EIF3A: variants seen among roughly 807,000 people sequenced by gnomAD.
The protein encoded by EIF3A is EIF3, p180 subunit.
A neutral mutation model predicts 186.6 loss-of-function variants in EIF3A; 21 were observed. The observed-to-expected ratio is 0.11, with a 90% CI of 0.08 to 0.16. The LOEUF is 0.16. EIF3A is among the 10% of genes least tolerant of loss of function. The probability of loss-of-function intolerance (pLI) is 1.00; values close to 1 mark genes in which losing one functional copy is unlikely to be tolerated. For synonymous variants in EIF3A, 563 were observed against 584.3 expected, an observed-to-expected ratio of 0.96 and a Z score of 0.52; for missense variants, 1,306 against 1,796.3, an observed-to-expected ratio of 0.73 and a Z score of 4.93.
chr10:119,046,020 A>T (rs1435642890), intron 17 of EIF3A, among the ~76,000 whole-genome samples: 2 of 152,218 alleles, frequency 1.3e-5, no homozygotes, highest in Admixed American at 6.5e-5. Context: ...ACAGAGAAAA[A>T]GGAGAAAAGT....
At chr10:119,068,758 G>C (rs1291394108) in intron 6 of EIF3A, among the ~76,000 whole-genome samples, 1 of 152,018 alleles carries the variant, frequency 6.6e-6, no homozygotes, top group East Asian at 1.9e-4. Flanking sequence ...GGTGGATCAT[G>C]AGGTGAGGAG....
At chr10:119,067,029 A>T (rs1472119741) in intron 6 of EIF3A, among the ~76,000 whole-genome samples, 1 of 151,952 alleles carries the variant, frequency 6.6e-6, no homozygotes, top group Non-Finnish European at 1.5e-5. Context: ...CCTGGCTAAC[A>T]TGGTGAAACC....
chr10:119,047,795 A>G (rs769703008), intron 17 of EIF3A, among the ~76,000 whole-genome samples: 19 of 152,238 alleles, frequency 1.2e-4, no homozygotes, highest in Non-Finnish European at 1.9e-4. Context: ...ATTAGCAGTA[A>G]GAATAACACA....
chr10:119,035,335 A>G lies in EIF3A; in HGVS notation c.*704T>C, dbSNP rs1179177889. On this transcript the variant is annotated 3_prime_UTR_variant, in exon 22 of 22. Transcript: ENST00000369144. ...AATGGAAAAGCAGTTTGCTATTGGC[A>G]ACAGAAAAAAACTCAGCGATAATTT... 6.6e-6 allele frequency: 1 copy of G among 152,598 alleles called. No homozygotes were observed. The highest frequency in any genetic ancestry group is 1.9e-4 in the East Asian group (1 of 5,194). The allele number at this position is 152,598 out of a possible 1,614,324, so 9.5% of individuals were successfully genotyped here.
chr10:119,072,789 T>TGATC (rs1844099712), intron 4 of EIF3A, 101 bp downstream of exon 4: 18 of 1,389,318 alleles, frequency 1.3e-5, no homozygotes, highest in Non-Finnish European at 1.6e-5. Context: ...TGCCAACATT[T>TGATC]CAATAAGGAT....
chr10:119,041,885 T>C (rs1848212812), intron 19 of EIF3A, 109 bp downstream of exon 19: 5 of 1,223,562 alleles, frequency 4.1e-6, no homozygotes, highest in African/African-American at 1.5e-5. Flanking sequence ...GAAGGAAAGA[T>C]GAAAGACCAG....
At chr10:119,045,908 CA>C (rs1228287782) in intron 17 of EIF3A, among the ~76,000 whole-genome samples, 2 of 152,130 alleles carry the variant, frequency 1.3e-5, no homozygotes, top group Non-Finnish European at 2.9e-5. Flanking sequence ...GATGAGCAAA[CA>C]AACTGAACCA....
At chr10:119,069,328 C>G in intron 6 of EIF3A, 118 bp downstream of exon 6, 1 of 642,850 alleles carries the variant, frequency 1.6e-6, no homozygotes, top group African/African-American at 1.8e-5. Flanking sequence ...TAAGAATTAT[C>G]CAACCCAAAA....
rs1442025034 is a variant in EIF3A at position 119,073,414 on chromosome 10, C to A, written c.377+27G>T. 5 of 1,508,972 alleles carry A rather than the reference C, an allele frequency of 3.3e-6. No individual in the cohort carries two copies. The African/African-American group carries it at 5.6e-5, about 17-fold the overall frequency. The allele number at this position is 1,508,972 out of a possible 1,614,324, so 93.5% of individuals were successfully genotyped here. ...GAAAACACCAAGTTAACTATCAAAG[C>A]ATTTATTAGAGGTCTAACCCACATA... On this transcript the variant is annotated intron_variant, in intron 3 of 21. Transcript: ENST00000369144.
intron 7 of EIF3A, among the ~76,000 whole-genome samples, chr10:119,064,834 C>T (rs899901146): frequency 3.3e-5 from 5 of 152,058 alleles, no homozygotes; most frequent in Admixed American, 6.5e-5. Flanking sequence ...CAGCCTCCTG[C>T]GTAGCTGGGA....
chr10:119,046,102 A>G (rs2119818139), intron 17 of EIF3A, among the ~76,000 whole-genome samples: 1 of 152,348 alleles, frequency 6.6e-6, no homozygotes, highest in East Asian at 1.9e-4. Context: ...CAAAAGGCCA[A>G]AAAGAAACAA....
chr10:119,038,610 G>A (rs774365829), intron 19 of EIF3A, among the ~76,000 whole-genome samples, 171 bp from the exon 20 acceptor site: 3 of 152,108 alleles, frequency 2.0e-5, no homozygotes, highest in Non-Finnish European at 1.5e-5. Context: ...ATCATTAACA[G>A]TATCTTAAAC....
chr10:119,077,581 G>T (rs1372682036), intron 1 of EIF3A, among the ~76,000 whole-genome samples: 1 of 148,300 alleles, frequency 6.7e-6, no homozygotes, highest in African/African-American at 2.5e-5. Flanking sequence ...TGGAGAAGGA[G>T]TCTCGCTCTG....
intron 9 of EIF3A, chr10:119,060,137 A>G (rs1367495691): frequency 2.0e-6 from 1 of 500,800 alleles, no homozygotes; most frequent in Non-Finnish European, 3.9e-6. Context: ...TGAAATGTGC[A>G]CAAATACTGA....
chr10:119,034,434 C>T lies in EIF3A; in HGVS notation c.*1605G>A, dbSNP rs1215154047. ...AGATCTACTCTCCAGGAAGCAAACT[C>T]TTAGCAAGTTACTGCCCCACTTGTA... On this transcript the variant is annotated 3_prime_UTR_variant, in exon 22 of 22. Transcript: ENST00000369144. 1 of 152,572 alleles carries T rather than the reference C, an allele frequency of 6.6e-6. No homozygotes were observed. Among genetic ancestry groups the T allele is most frequent in the Non-Finnish European group, 1.5e-5 (1 of 68,044 alleles). The allele number at this position is 152,572 out of a possible 1,614,324, so 9.5% of individuals were successfully genotyped here. A position where few individuals can be genotyped will look rare whatever the true frequency, so the allele number is the denominator to read the frequency against.
chr10:119,036,089 G>A lies in EIF3A; in HGVS notation c.4099C>T (p.Arg1367Cys), dbSNP rs751564493. 9.9e-6 allele frequency: 16 copies of A among 1,613,732 alleles called. No individual in the cohort carries two copies. The highest frequency in any genetic ancestry group is 1.6e-4 in the Middle Eastern group (1 of 6,084). Residue 1367 changes from arginine to cysteine, a missense_variant, in exon 22 of 22, where the codon CGT (arginine) becomes TGT (cysteine). Coordinates refer to ENST00000369144, the MANE Select transcript of EIF3A (RefSeq NM_003750.4). Reference sequence around the variant, plus strand: ...TCTTCATCAGTCTCATTTTTAGTACGACGGAGAGATTCCCTATCTTTCTCA... The same window carrying A: ...TCTTCATCAGTCTCATTTTTAGTACAACGGAGAGATTCCCTATCTTTCTCA... ...RAEKDRESLR[R>C]TKNETDEDGW...
At chr10:119,075,018 G>A (rs1181031413) in intron 1 of EIF3A, among the ~76,000 whole-genome samples, 5 of 120,472 alleles carry the variant, frequency 4.2e-5, no homozygotes, top group African/African-American at 1.6e-4. Context: ...ATCTCGCTGT[G>A]TCGCCCAGGC....
Position 119,073,891 on chromosome 10 carries a change from A to G in EIF3A, c.96T>C (p.Tyr32=), listed in dbSNP as rs1386322328. 10 of 1,608,048 alleles carry G rather than the reference A, an allele frequency of 6.2e-6. No individual in the cohort carries two copies. The highest frequency in any genetic ancestry group is 8.5e-6 in the Non-Finnish European group (10 of 1,178,432). ...TATGTTTTTTACTTTTCATAACATC[A>G]TAAAGAACATCCAGAGCAGGCTGCT... ...GKKQPALDVL[Y]DVMKSKKHRT... is the part of the protein sequence containing the mutation. The change falls in exon 2 of 22, where the codon TAT becomes TAC. Residue 32 remains tyrosine (Y), a synonymous_variant. Transcript: ENST00000369144.
intron 19 of EIF3A, among the ~76,000 whole-genome samples, chr10:119,040,639 G>A (rs1848194822): frequency 6.6e-6 from 1 of 152,190 alleles, no homozygotes; most frequent in Admixed American, 6.5e-5. Context: ...GGGAGGCCGA[G>A]GTGGGTGGAT....
Sources: allele counts gnomAD v4.1 joint callset (sites outside exome capture counted in the v4.1 genomes callset), GRCh38; gene constraint gnomAD v4.1.1; transcripts MANE v1.5; gene names NCBI Gene and HGNC (gene_info 2026-07-23, HGNC 2026-07-21).